Variants in BCOR observed in about 807,000 individuals in gnomAD.
BCOR encodes BCL-6 corepressor.
In BCOR, 10 loss-of-function variants were observed where a neutral mutation model predicts 86.7. The ratio of observed to expected loss-of-function variants is 0.12; its 90% confidence interval spans 0.07 to 0.20. BCOR has a LOEUF of 0.20. Ranked by LOEUF, BCOR falls within the 10% of genes least tolerant of loss-of-function variation. The probability of loss-of-function intolerance (pLI) is 1.00; values close to 1 mark genes in which losing one functional copy is unlikely to be tolerated. For missense variants in BCOR, 1,259 were observed against 1,452.1 expected (o/e 0.87, Z 2.16); for synonymous variants, 611 against 609.0 (o/e 1.00, Z -0.05).
intron 1 of BCOR, among the ~76,000 whole-genome samples, chrX:40,175,788 C>T (rs1241735232): frequency 8.9e-6 from 1 of 112,992 alleles, no homozygotes; most frequent in East Asian, 2.8e-4. Flanking sequence ...GAGACCGTTC[C>T]CCGCCCCCAC....
chrX:40,144,299 C>T (rs2147967674), intron 1 of BCOR, among the ~76,000 whole-genome samples: 1 of 112,055 alleles, frequency 8.9e-6, no homozygotes, highest in East Asian at 2.8e-4. Context: ...TCAATCGAAA[C>T]CTGGAGAAGA....
intron 1 of BCOR, among the ~76,000 whole-genome samples, chrX:40,094,703 G>A (rs1414091867): frequency 1.8e-5 from 2 of 112,719 alleles, no homozygotes; most frequent in Non-Finnish European, 3.8e-5. Flanking sequence ...AAGAAAGAGC[G>A]GGCTGCGCGG....
chrX:40,052,563 TTTTTTTTTTTTTTTTTTTG>T (rs941545263), intron 14 of BCOR, among the ~76,000 whole-genome samples, 163 bp from the exon 15 acceptor site: 1 of 55,664 alleles, frequency 1.8e-5, no homozygotes, highest in Non-Finnish European at 3.2e-5. Flanking sequence ...CCATTTTTTT[TTTTTTTTTTTTTTTTTTTG>T]GAGACGGAAT....
chrX:40,163,970 G>A (rs1339496300), intron 1 of BCOR, among the ~76,000 whole-genome samples: 4 of 107,767 alleles, frequency 3.7e-5, no homozygotes, highest in Non-Finnish European at 7.7e-5. Context: ...GTTGCGGTGA[G>A]CCGAGATGGT....
chrX:40,131,375 G>A (rs1937599411), intron 1 of BCOR, among the ~76,000 whole-genome samples: 1 of 112,492 alleles, frequency 8.9e-6, no homozygotes, highest in Non-Finnish European at 1.9e-5. Context: ...GAGAAAAACA[G>A]GCCAGGCGCA....
chrX:40,166,152 G>A (rs185597761), intron 1 of BCOR, among the ~76,000 whole-genome samples: 3 of 111,935 alleles, frequency 2.7e-5, no homozygotes, highest in East Asian at 2.8e-4. Context: ...GTTTTCCATC[G>A]TAGCTTGTGA....
intron 7 of BCOR, among the ~76,000 whole-genome samples, 158 bp from the exon 8 acceptor site, chrX:40,064,110 G>C (rs5963155): frequency 1.8e-5 from 2 of 109,588 alleles, no homozygotes; most frequent in African/African-American, 6.7e-5. Context: ...TTCTGGCTTT[G>C]GGGGAGGGGA....
rs748287543 is a variant in BCOR, at chrX:40,158,157, C to T, written c.-41+18850G>A. On this transcript the variant is annotated intron_variant, in intron 1 of 14. Coordinates refer to the BCOR transcript ENST00000342274. The stretch of plus-strand genomic sequence containing the variant: ...TGGCCGTCCCGATCCCAGCCGGGGC[C>T]CGTCCAGGTAGGGCTCCGGGCAGGG... 8.8e-4 allele frequency among the ~76,000 whole-genome samples: 99 copies of T among 112,414 alleles called. 1 individual carries two copies. The highest frequency in any genetic ancestry group is 3.2e-3 in the African/African-American group (98 of 31,040).
intron 1 of BCOR, among the ~76,000 whole-genome samples, chrX:40,164,323 C>T (rs1938472901): frequency 8.9e-6 from 1 of 112,714 alleles, no homozygotes; most frequent in Non-Finnish European, 1.9e-5. Flanking sequence ...CTTCTGAGCT[C>T]CCTTGTAGCT....
intron 1 of BCOR, among the ~76,000 whole-genome samples, chrX:40,154,191 G>A (rs1024517763): frequency 2.7e-5 from 3 of 112,532 alleles, no homozygotes; most frequent in African/African-American, 9.7e-5. Flanking sequence ...TGGCTGCAGC[G>A]GGAAGCGCGC....
Position 40,064,581 on chromosome X carries a change from T to A in BCOR, c.3257A>T (p.Asn1086Ile). The A allele has an allele frequency of 8.3e-7, 1 of 1,211,450 alleles. No individual in the cohort carries two copies. Among genetic ancestry groups the A allele is most frequent in the Non-Finnish European group, 1.1e-6 (1 of 895,241 alleles). Residue 1086 changes from asparagine (N) to isoleucine (I), a missense_variant, in exon 7 of 15, where the codon AAC (asparagine) becomes ATC (isoleucine). Around this residue, in one of 7 missense-constraint regions of BCOR, gnomAD observed 305 missense variants for 286.1 expected, o/e 1.07. Transcript: ENST00000378444. ...GGCTTCAAAGGGATCACGGTGCTTG[T>A]TTCCAACACTATACTCGCCTGGGGG... Reference protein sequence around the residue: ...ESERCEYSVGNKHRDPFEAPE... With the variant: ...ESERCEYSVGIKHRDPFEAPE...
chrX:40,116,992 TGCACCGGGACCCCTGCTTGCAG>T (rs1937405408), intron 1 of BCOR, among the ~76,000 whole-genome samples: 1 of 110,686 alleles, frequency 9.0e-6, no homozygotes, highest in South Asian at 3.8e-4. Context: ...TGCCAGTGGC[TGCACCGGGACCCCTGCTTGCAG>T]GCACAGGGAA....
At chrX:40,061,874 C>T (rs1486923649) in intron 10 of BCOR, among the ~76,000 whole-genome samples, 4 of 111,498 alleles carry the variant, frequency 3.6e-5, no homozygotes, top group Non-Finnish European at 7.5e-5. Flanking sequence ...GATAAGTTAG[C>T]GAGACTGGAG....
At chrX:40,078,442 C>T (rs1935919079) in intron 1 of BCOR, among the ~76,000 whole-genome samples, 1 of 112,003 alleles carries the variant, frequency 8.9e-6, no homozygotes, top group African/African-American at 3.2e-5. Flanking sequence ...GGGTGGAAGG[C>T]ACCACAGTGA....
intron 1 of BCOR, among the ~76,000 whole-genome samples, chrX:40,174,421 C>G (rs776696770): frequency 1.8e-5 from 2 of 112,438 alleles, no homozygotes; most frequent in Non-Finnish European, 3.8e-5. Flanking sequence ...CGAGCGCCAC[C>G]CGGAGAGTTC....
intron 4 of BCOR, 97 bp downstream of exon 4, chrX:40,072,252 G>T: frequency 2.2e-6 from 2 of 922,290 alleles, no homozygotes; most frequent in East Asian, 6.7e-5. Flanking sequence ...CACCAAATCT[G>T]CCTGGTGCCC....
chrX:40,062,023 C>G lies in BCOR; in HGVS notation c.4428+116G>C, dbSNP rs1294276448. 4.1e-6 allele frequency: 4 copies of G among 967,470 alleles called. No individual in the cohort carries two copies. The Admixed American group carries it at 1.1e-4, about 26-fold the overall frequency. 79.7% of individuals were successfully genotyped at this position (967,470 alleles called of 1,213,427 possible). A position where few individuals can be genotyped will look rare whatever the true frequency, so the allele number is the denominator to read the frequency against. On this transcript the variant is annotated intron_variant, in intron 10 of 14. Coordinates refer to ENST00000378444, the MANE Select transcript of BCOR (RefSeq NM_001123385.2). ...CAAACATCCTGTTGGAGCACCGGCC[C>G]AGCCCCGATGTGGAGGGGGCTGAGC...
chrX:40,153,731 T>C (rs1160481472), intron 1 of BCOR, among the ~76,000 whole-genome samples: 2 of 111,628 alleles, frequency 1.8e-5, no homozygotes, highest in Admixed American at 9.3e-5. Flanking sequence ...ATGAAGACCA[T>C]GTGTGAGGAC....
At chrX:40,091,409 C>T (rs1351683097) in intron 1 of BCOR, among the ~76,000 whole-genome samples, 1 of 111,887 alleles carries the variant, frequency 8.9e-6, no homozygotes, top group East Asian at 2.8e-4. Context: ...CCCCGCTTCT[C>T]TAATCATGGA....
Sources: allele counts gnomAD v4.1 joint callset (sites outside exome capture counted in the v4.1 genomes callset), GRCh38; gene constraint gnomAD v4.1.1; regional missense constraint gnomAD v4.1.1; transcripts MANE v1.5; gene names NCBI Gene and HGNC (gene_info 2026-07-23, HGNC 2026-07-21).